PMS1: variants seen among roughly 807,000 people sequenced by gnomAD.
The protein encoded by PMS1 is PMS1 protein homolog 1.
In PMS1, 79 loss-of-function variants were observed where a neutral mutation model predicts 93.1. The ratio of observed to expected loss-of-function variants is 0.85; its 90% CI spans 0.71 to 1.02. PMS1 has a LOEUF of 1.02. Among genes scored for constraint, PMS1 ranks in the 50% least tolerant of loss-of-function variants. The pLI is 0.00. For missense variants in PMS1, 1,064 were observed against 1,085.3 expected, an observed-to-expected ratio of 0.98 and a Z score of 0.28; for synonymous variants, 335 against 363.4, an observed-to-expected ratio of 0.92 and a Z score of 0.89.
rs5743181 is a variant in PMS1, at chr2:189,872,789, C to T, written c.2474-707C>T. Among the ~76,000 whole-genome samples, 970 of 152,186 alleles carry T rather than the reference C, an allele frequency of 6.4e-3. 4 individuals carry two copies. The highest frequency in any genetic ancestry group is 9.7e-3 in the Non-Finnish European group (657 of 68,016). On this transcript the variant is annotated intron_variant, in intron 11 of 12. Coordinates refer to ENST00000441310, the MANE Select transcript of PMS1 (RefSeq NM_000534.5). ...CTGGGACTACAGGCACGTACCACCA[C>T]ACTCGTCTAATTTTTTTTGTATTTT...
In PMS1 at chr2:189,811,517, C is replaced by T. The variant is rs574063774; in HGVS notation, c.418+5763C>T. Among the ~76,000 whole-genome samples, 6 of 152,238 alleles carry T rather than the reference C, an allele frequency of 3.9e-5. No homozygotes were observed. The South Asian group carries it at 1.2e-3, about 32-fold the overall frequency. On this transcript the variant is annotated intron_variant, in intron 4 of 12. Transcript: ENST00000441310. ...GGCTGAGGCAGGAGAATCTCTTGAA[C>T]CCAGGAATTAGAGGTTGCAGGGAGC...
chr2:189,817,679 T>G (rs191065281), intron 4 of PMS1, among the ~76,000 whole-genome samples: 19 of 152,348 alleles, frequency 1.2e-4, no homozygotes, highest in African/African-American at 4.6e-4. Context: ...AATTATATTT[T>G]AAAGTCCAGA....
At chr2:189,848,203 T>C (rs2054410732) in intron 6 of PMS1, among the ~76,000 whole-genome samples, 2 of 152,212 alleles carry the variant, frequency 1.3e-5, no homozygotes, top group South Asian at 4.1e-4. Context: ...AGGCAGCTTA[T>C]GGCAGGAGAT....
At chr2:189,846,851 CTTCTTTTTT>C (rs926297406) in intron 6 of PMS1, among the ~76,000 whole-genome samples, 3 of 150,490 alleles carry the variant, frequency 2.0e-5, no homozygotes, top group African/African-American at 4.9e-5. Flanking sequence ...ATACATTCCA[CTTCTTTTTT>C]TTCTTTTTTT....
chr2:189,787,370 G>A (rs953940942), intron 1 of PMS1, among the ~76,000 whole-genome samples: 1 of 152,130 alleles, frequency 6.6e-6, no homozygotes, highest in Non-Finnish European at 1.5e-5. Flanking sequence ...GCATTTGATT[G>A]TTCTGCCTGG....
At chr2:189,798,757 A>ATTT (rs757864750) in intron 3 of PMS1, among the ~76,000 whole-genome samples, 95 of 79,918 alleles carry the variant, frequency 1.2e-3, no homozygotes, top group East Asian at 3.1e-3. Context: ...TAAGTATTTG[A>ATTT]TTTTTTTTTT....
chr2:189,808,730 A>T (rs969607465), intron 4 of PMS1, among the ~76,000 whole-genome samples: 1 of 152,226 alleles, frequency 6.6e-6, no homozygotes, highest in Non-Finnish European at 1.5e-5. Context: ...TCAGCCATTT[A>T]AAATGATTTA....
At chr2:189,806,813 TGATTAAGAGAC>T (rs2106282784) in intron 4 of PMS1, 1 of 207,828 alleles carries the variant, frequency 4.8e-6, no homozygotes, top group Non-Finnish European at 9.8e-6. Flanking sequence ...AGTGATGGGA[TGATTAAGAGAC>T]TATTAAAGCT....
At chr2:189,830,526 A>G (rs2106369323) in intron 5 of PMS1, among the ~76,000 whole-genome samples, 1 of 152,104 alleles carries the variant, frequency 6.6e-6, no homozygotes, top group African/African-American at 2.4e-5. Flanking sequence ...TTTTTCTTGA[A>G]CTTATCAGTA....
At chr2:189,809,590 A>T (rs1235640700) in intron 4 of PMS1, among the ~76,000 whole-genome samples, 1 of 151,440 alleles carries the variant, frequency 6.6e-6, no homozygotes, top group Non-Finnish European at 1.5e-5. Flanking sequence ...TCACGCCTGT[A>T]ATCCCAGCAC....
At chr2:189,811,911 T>C (rs184811806) in intron 4 of PMS1, among the ~76,000 whole-genome samples, 35 of 152,308 alleles carry the variant, frequency 2.3e-4, no homozygotes, top group African/African-American at 7.9e-4. Context: ...AGAAAATACA[T>C]TGAATTCAGA....
At chr2:189,847,022 C>T (rs192344935) in intron 6 of PMS1, among the ~76,000 whole-genome samples, 222 of 151,856 alleles carry the variant, frequency 1.5e-3, no homozygotes, top group Non-Finnish European at 2.1e-3. Flanking sequence ...CCACCACATC[C>T]GACTAATTTT....
At position 189,877,336 on chromosome 2, in the gene PMS1, T is replaced by TA; in HGVS notation, c.2699_2700insA (p.Ile901TyrfsTer11). On this transcript the variant is annotated frameshift_variant, in exon 13 of 13. Transcript: ENST00000441310. LOFTEE classifies it high-confidence loss of function. ...TTATCAAAAGAGGACATCCAAGACA[T>TA]TATCTACAGAATGAAGCACCAGTTT... 1 of 1,613,112 alleles carries TA rather than the reference T, an allele frequency of 6.2e-7. No individual in the cohort carries two copies. The highest frequency in any genetic ancestry group is 8.5e-7 in the Non-Finnish European group (1 of 1,179,048).
At chr2:189,856,689 G>GA (rs1559310946) in intron 9 of PMS1, among the ~76,000 whole-genome samples, 1 of 151,994 alleles carries the variant, frequency 6.6e-6, no homozygotes, top group Non-Finnish European at 1.5e-5. Flanking sequence ...CTGAGAATAG[G>GA]AAAAAACCAT....
chr2:189,846,181 C>T (rs112400332), intron 6 of PMS1, among the ~76,000 whole-genome samples: 38 of 152,022 alleles, frequency 2.5e-4, no homozygotes, highest in African/African-American at 8.4e-4. Flanking sequence ...CAAGACCAGC[C>T]TGGGCAACAT....
At chr2:189,823,057 A>AT (rs1265322529) in intron 5 of PMS1, among the ~76,000 whole-genome samples, 5 of 151,704 alleles carry the variant, frequency 3.3e-5, no homozygotes, top group Non-Finnish European at 5.9e-5. Context: ...TATAAAGGGG[A>AT]TTTTTTTCAT....
Position 189,852,773 on chromosome 2 carries a change from T to C in PMS1, c.818T>C (p.Leu273Ser), listed in dbSNP as rs750303019. The C allele has an allele frequency of 6.3e-7, 1 of 1,580,914 alleles. No homozygotes were observed. Among genetic ancestry groups the C allele is most frequent in the Non-Finnish European group, 8.7e-7 (1 of 1,150,196 alleles). The change falls in exon 7 of 13, where the codon TTA (leucine) becomes TCA (serine). Residue 273 changes from leucine to serine, a missense_variant. By Grantham distance (145) the Leu-to-Ser change is moderately radical (BLOSUM62 -2). Coordinates refer to ENST00000441310, the MANE Select transcript of PMS1 (RefSeq NM_000534.5). ...CGACCAGTACATCAAAAAGATATCTTAAAGGTAGTATGCTTTAGAAAAAAA... is the reference window on the plus strand; with the variant it reads ...CGACCAGTACATCAAAAAGATATCTCAAAGGTAGTATGCTTTAGAAAAAAA... Reference protein sequence around the residue: ...NSRPVHQKDILKLIRHHYNLK... With the variant: ...NSRPVHQKDISKLIRHHYNLK...
chr2:189,803,868 A>G (rs962518430), intron 3 of PMS1, among the ~76,000 whole-genome samples: 5 of 152,222 alleles, frequency 3.3e-5, no homozygotes, highest in Non-Finnish European at 7.3e-5. Context: ...ACAAAATTTT[A>G]ATGTTGGAAA....
chr2:189,863,640 C>A, intron 9 of PMS1, 103 bp from the exon 10 acceptor site: 1 of 834,760 alleles, frequency 1.2e-6, no homozygotes, highest in Non-Finnish European at 2.0e-6. Context: ...TTTGTCATTA[C>A]TATATCTGGA....
Sources: gnomAD v4.1 joint callset for allele counts (sites outside exome capture counted in the v4.1 genomes callset) on GRCh38, gnomAD v4.1.1 for gene constraint, MANE v1.5 for transcripts, NCBI Gene and HGNC (gene_info 2026-07-23, HGNC 2026-07-21) for gene names.